ADGRV1: variants seen among roughly 807,000 people sequenced by gnomAD.
ADGRV1 encodes adhesion G protein-coupled receptor V1.
A neutral mutation model predicts 596.2 loss-of-function variants in ADGRV1; 359 were observed. The observed-to-expected ratio is 0.60, with a 90% CI of 0.55 to 0.66. The LOEUF (loss-of-function observed/expected upper bound fraction) is 0.66. Among genes scored for constraint, ADGRV1 ranks in the 30% least tolerant of loss-of-function variants. The pLI is 0.00. For synonymous variants in ADGRV1, 2,681 were observed against 2,679.2 expected (o/e 1.00, Z -0.02); for missense variants, 7,274 against 7,575.6 (o/e 0.96, Z 1.48).
At chr5:90,903,064 G>C (rs1401512750) in intron 83 of ADGRV1, among the ~76,000 whole-genome samples, 1 of 152,022 alleles carries the variant, frequency 6.6e-6, no homozygotes, top group Non-Finnish European at 1.5e-5. Flanking sequence ...TGTAGCAAAA[G>C]GAATTAATTT....
chr5:90,567,738 T>C (rs940677959), intron 1 of ADGRV1, among the ~76,000 whole-genome samples: 6 of 148,786 alleles, frequency 4.0e-5, no homozygotes, highest in African/African-American at 1.6e-4. Flanking sequence ...AGTTTTGTTA[T>C]CTTTTTTTTT....
chr5:90,657,955 A>G lies in ADGRV1; in HGVS notation c.4429A>G (p.Thr1477Ala), dbSNP rs202097968. The G allele has an allele frequency of 9.5e-5, 154 of 1,613,612 alleles. No individual in the cohort carries two copies. Among genetic ancestry groups the G allele is most frequent in the Non-Finnish European group, 6.5e-5 (77 of 1,179,726 alleles). ...AGGGATAAATGGCAATGACAGATTT[A>G]CAGGTCTGATGCAGGATGTGAGGTC... ...GAGINGNDRF[T>A]GLMQDVRSYE... The change falls in exon 21 of 90, where the codon ACA becomes GCA. Residue 1477 changes from threonine (T) to alanine (A), a missense_variant. By Grantham distance (58) the Thr-to-Ala change is moderately conservative (BLOSUM62 0). Coordinates refer to ENST00000405460, the MANE Select transcript of ADGRV1 (RefSeq NM_032119.4).
At chr5:91,052,297 A>T (rs1316117716) in intron 85 of ADGRV1, among the ~76,000 whole-genome samples, 1 of 139,186 alleles carries the variant, frequency 7.2e-6, no homozygotes, top group Non-Finnish European at 1.6e-5. Context: ...CATTTCTTCT[A>T]AAAAAAAAAA....
At chr5:90,991,368 C>G (rs922041613) in intron 85 of ADGRV1, among the ~76,000 whole-genome samples, 1 of 152,294 alleles carries the variant, frequency 6.6e-6, no homozygotes, top group Non-Finnish European at 1.5e-5. Flanking sequence ...TATGCCTAAG[C>G]TTAGAATTTG....
chr5:90,581,851 G>T (rs1319926335), intron 1 of ADGRV1, among the ~76,000 whole-genome samples: 1 of 152,100 alleles, frequency 6.6e-6, no homozygotes, highest in Admixed American at 6.6e-5. Context: ...ACACTGCTTT[G>T]GCTGTATCCC....
intron 89 of ADGRV1, among the ~76,000 whole-genome samples, chr5:91,159,989 C>G (rs187298271): frequency 5.9e-5 from 9 of 152,332 alleles, no homozygotes; most frequent in Admixed American, 5.2e-4. Flanking sequence ...AGAAAGGAGT[C>G]TTTCTTCAGC....
intron 50 of ADGRV1, among the ~76,000 whole-genome samples, chr5:90,739,570 G>T (rs564161993): frequency 1.3e-5 from 2 of 152,300 alleles, no homozygotes; most frequent in African/African-American, 4.8e-5. Context: ...GGATCAAATG[G>T]AAGTGCTGGC....
intron 86 of ADGRV1, among the ~76,000 whole-genome samples, chr5:91,087,348 T>C (rs918177977): frequency 1.3e-5 from 2 of 152,196 alleles, no homozygotes; most frequent in Non-Finnish European, 2.9e-5. Flanking sequence ...TGGAGTACAG[T>C]GCACTCGACT....
chr5:90,920,229 T>G (rs978806571), intron 83 of ADGRV1, among the ~76,000 whole-genome samples: 1 of 152,108 alleles, frequency 6.6e-6, no homozygotes, highest in African/African-American at 2.4e-5. Flanking sequence ...TGTGTCCTTA[T>G]GTGGCTGAAA....
chr5:90,995,152 C>G (rs149013296), intron 85 of ADGRV1, among the ~76,000 whole-genome samples: 183 of 152,238 alleles, frequency 1.2e-3, no homozygotes, highest in African/African-American at 3.9e-3. Context: ...GTTTTTTGCT[C>G]CATTGTTGTT....
chr5:91,155,437 C>T (rs1255711969), intron 89 of ADGRV1, among the ~76,000 whole-genome samples: 1 of 152,040 alleles, frequency 6.6e-6, no homozygotes, highest in South Asian at 2.1e-4. Context: ...GGTAGCTTGC[C>T]GGCACCATCA....
At chr5:90,762,541 G>C (rs1345248866) in intron 58 of ADGRV1, 1 of 152,042 alleles carries the variant, frequency 6.6e-6, no homozygotes, top group African/African-American at 2.4e-5. Flanking sequence ...GGATGATATA[G>C]GTTCAATGAG....
intron 81 of ADGRV1, 40 bp downstream of exon 81, chr5:90,854,241 TC>T: frequency 6.8e-7 from 1 of 1,474,412 alleles, no homozygotes. Context: ...ATTTGGTCCT[TC>T]CCCATTTCGG....
At chr5:91,064,030 A>C (rs559161033) in intron 85 of ADGRV1, among the ~76,000 whole-genome samples, 2 of 152,294 alleles carry the variant, frequency 1.3e-5, no homozygotes, top group African/African-American at 4.8e-5. Context: ...TGTAGCTGGT[A>C]TGTGATTGAT....
chr5:90,793,673 T>G (rs1348658330), intron 70 of ADGRV1, among the ~76,000 whole-genome samples: 2 of 151,952 alleles, frequency 1.3e-5, no homozygotes, highest in Non-Finnish European at 2.9e-5. Flanking sequence ...GCATTGCATT[T>G]CATAAAAATA....
chr5:90,651,291 T>C (rs1021773090), intron 17 of ADGRV1, among the ~76,000 whole-genome samples: 1 of 152,328 alleles, frequency 6.6e-6, no homozygotes, highest in African/African-American at 2.4e-5. Context: ...GGTATATTCC[T>C]TTTGTGAAGA....
In ADGRV1 at chr5:90,675,236, C is replaced by G. The variant is rs1278467837; in HGVS notation, c.5111-7C>G. ...GGACAATGCCCTGGCCCCTTTGTCT[C>G]CACTAGGCTTGCTGCAGTTCTCCAC... On this transcript the variant is annotated splice_polypyrimidine_tract_variant and splice_region_variant and intron_variant, in intron 23 of 89. Transcript: ENST00000405460. 3.1e-6 allele frequency: 5 copies of G among 1,611,856 alleles called. No homozygotes were observed. Among genetic ancestry groups the G allele is most frequent in the Non-Finnish European group, 4.2e-6 (5 of 1,179,172 alleles).
chr5:91,088,213 A>G (rs545655601), intron 86 of ADGRV1, among the ~76,000 whole-genome samples: 1 of 152,340 alleles, frequency 6.6e-6, no homozygotes, highest in Admixed American at 6.5e-5. Context: ...TTAATAAGTA[A>G]TTGAAATAAA....
chr5:90,676,001 A>C, intron 24 of ADGRV1, 79 bp from the exon 25 acceptor site: 1 of 1,180,156 alleles, frequency 8.5e-7, no homozygotes, highest in Non-Finnish European at 1.2e-6. Context: ...CTGATTTTAC[A>C]AATTTGTGTA....
Sources: gnomAD v4.1 joint callset for allele counts (sites outside exome capture counted in the v4.1 genomes callset) on GRCh38, gnomAD v4.1.1 for gene constraint, MANE v1.5 for transcripts, NCBI Gene and HGNC (gene_info 2026-07-23, HGNC 2026-07-21) for gene names.